PIBF1: variants seen among roughly 807,000 people sequenced by gnomAD.
The protein encoded by PIBF1 is progesterone-induced-blocking factor 1.
Under a neutral mutation model 112.5 loss-of-function variants are expected in PIBF1, and 90 were observed. The ratio of observed to expected loss-of-function variants is 0.80; its 90% CI spans 0.67 to 0.95. The LOEUF (loss-of-function observed/expected upper bound fraction) is 0.95. PIBF1 is among the 40% of genes least tolerant of loss of function. The probability of loss-of-function intolerance (pLI) is 0.00; values close to 1 mark genes in which losing one functional copy is unlikely to be tolerated. For synonymous variants in PIBF1, 301 were observed against 288.6 expected, an observed-to-expected ratio of 1.04 and a Z score of -0.44; for missense variants, 915 against 852.3, an observed-to-expected ratio of 1.07 and a Z score of -0.92.
chr13:72,878,841 G>A (rs1305609725), intron 10 of PIBF1, among the ~76,000 whole-genome samples: 2 of 152,048 alleles, frequency 1.3e-5, no homozygotes, highest in African/African-American at 2.4e-5. Context: ...TTGGAAAATG[G>A]ACCCCTTTAT....
intron 17 of PIBF1, among the ~76,000 whole-genome samples, chr13:73,009,720 T>A (rs1438217459): frequency 6.6e-6 from 1 of 152,280 alleles, no homozygotes; most frequent in Non-Finnish European, 1.5e-5. Context: ...ATTAAAATGG[T>A]TGTGATAAGA....
intron 5 of PIBF1, among the ~76,000 whole-genome samples, chr13:72,816,335 A>G (rs1555288878): frequency 6.6e-6 from 1 of 152,168 alleles, no homozygotes; most frequent in Non-Finnish European, 1.5e-5. Context: ...ATGTGATGAA[A>G]GTTACCTTTC....
intron 5 of PIBF1, among the ~76,000 whole-genome samples, chr13:72,799,557 G>C (rs1373062000): frequency 6.6e-6 from 1 of 152,046 alleles, no homozygotes; most frequent in Non-Finnish European, 1.5e-5. Flanking sequence ...CATTTAGAAA[G>C]ATAGTTCAAT....
intron 6 of PIBF1, among the ~76,000 whole-genome samples, chr13:72,822,783 A>G (rs1382283267): frequency 6.6e-6 from 1 of 152,258 alleles, no homozygotes; most frequent in Non-Finnish European, 1.5e-5. Context: ...ATTTGTGGAT[A>G]GAAGATTGTC....
intron 14 of PIBF1, among the ~76,000 whole-genome samples, chr13:72,964,975 T>C (rs1200612028): frequency 1.3e-5 from 2 of 152,022 alleles, no homozygotes; most frequent in Non-Finnish European, 2.9e-5. Flanking sequence ...GGCAGGAGAA[T>C]CACTTGAACC....
chr13:72,970,885 A>G (rs527547447), intron 15 of PIBF1, among the ~76,000 whole-genome samples: 1 of 152,282 alleles, frequency 6.6e-6, no homozygotes, highest in South Asian at 2.1e-4. Context: ...ATATGCCCAG[A>G]TATTGTAATC....
chr13:72,820,755 C>G (rs1453360358), intron 5 of PIBF1, among the ~76,000 whole-genome samples: 2 of 152,106 alleles, frequency 1.3e-5, no homozygotes, highest in Non-Finnish European at 2.9e-5. Context: ...AATGACTTAA[C>G]ACAGGATGCA....
chr13:72,844,758 C>CACACGGATGAAGTCTTACTGTTT lies in PIBF1; in HGVS notation c.1224-9295_1224-9294insGGATGAAGTCTTACTGTTTACAC, dbSNP rs1555296166. 3.0e-3 allele frequency among the ~76,000 whole-genome samples: 379 copies of CACACGGATGAAGTCTTACTGTTT among 125,766 alleles called. 8 individuals are homozygous for CACACGGATGAAGTCTTACTGTTT. The highest frequency in any genetic ancestry group is 4.7e-3 in the Non-Finnish European group (277 of 58,840). The allele number at this position is 125,766 out of a possible 152,430, so 82.5% of individuals were successfully genotyped here. A position where few individuals can be genotyped will look rare whatever the true frequency, so the allele number is the denominator to read the frequency against. On this transcript the variant is annotated intron_variant, in intron 9 of 17. Transcript: ENST00000326291. ...ACACACACACACACACACACACACA[C>CACACGGATGAAGTCTTACTGTTT]ACACACACACACACACACACACACA...
chr13:72,987,837 AATTTATTTATTT>A lies in PIBF1; in HGVS notation c.2050-10972_2050-10961del, dbSNP rs1228971710. Reference sequence around the variant, plus strand: ...TTCTTGAGTTTTTTTTATTTTTTGTAATTTATTTATTTATTTATTTATTTTTTTTTTTTTTTT... The same window carrying A: ...TTCTTGAGTTTTTTTTATTTTTTGTAATTTATTTATTTTTTTTTTTTTTTT... On this transcript the variant is annotated intron_variant, in intron 16 of 17. Coordinates refer to ENST00000326291, the MANE Select transcript of PIBF1 (RefSeq NM_006346.4). Among the ~76,000 whole-genome samples, 54 of 101,910 alleles carry A rather than the reference AATTTATTTATTT, an allele frequency of 5.3e-4. 1 individual carries two copies. Among genetic ancestry groups the A allele is most frequent in the Non-Finnish European group, 6.5e-4 (38 of 58,606 alleles). 66.9% of individuals were successfully genotyped at this position (101,910 alleles called of 152,430 possible). A position where few individuals can be genotyped will look rare whatever the true frequency, so the allele number is the denominator to read the frequency against.
In PIBF1 at chr13:72,837,857, C is replaced by T. The variant is rs578052319; in HGVS notation, c.1223+2489C>T. On this transcript the variant is annotated intron_variant, in intron 9 of 17. Transcript: ENST00000326291. ...TTCATTTGCTTTTGCACTTAGTTGT[C>T]CCTTCATGTTCATTACAAAAGTATA... Among the ~76,000 whole-genome samples, 5 of 152,246 alleles carry T rather than the reference C, an allele frequency of 3.3e-5. No individual in the cohort carries two copies. In the East Asian group the frequency reaches 9.6e-4, roughly 29 times the overall value.
intron 13 of PIBF1, among the ~76,000 whole-genome samples, chr13:72,928,767 CTT>C (rs918708238): frequency 1.3e-5 from 2 of 152,128 alleles, no homozygotes; most frequent in Non-Finnish European, 2.9e-5. Context: ...TGTTTTATGA[CTT>C]ATGATATTTT....
At chr13:72,860,385 AT>A (rs2038641868) in intron 10 of PIBF1, among the ~76,000 whole-genome samples, 1 of 150,254 alleles carries the variant, frequency 6.7e-6, no homozygotes, top group African/African-American at 2.5e-5. Flanking sequence ...TACTGAAGTT[AT>A]TTTGAGTATA....
chr13:72,916,448 T>C (rs2041099051), intron 12 of PIBF1, among the ~76,000 whole-genome samples: 1 of 151,250 alleles, frequency 6.6e-6, no homozygotes, highest in African/African-American at 2.4e-5. Flanking sequence ...AAAATGTCAT[T>C]GCATTTCAAG....
chr13:72,795,420 G>C lies in PIBF1; in HGVS notation c.415G>C (p.Glu139Gln). Residue 139 changes from glutamate (E) to glutamine (Q), a missense_variant, in exon 4 of 18, where the codon GAA becomes CAA. Transcript: ENST00000326291. ...CATTTTGTTGAGACAGAAACAACTA[G>C]AAGAGACAAATCTTCAGCTAAGAGA... ...ETILLRQKQL[E>Q]ETNLQLREKA... 6.2e-7 allele frequency: 1 copy of C among 1,609,662 alleles called. No individual in the cohort carries two copies. Among genetic ancestry groups the C allele is most frequent in the Non-Finnish European group, 8.5e-7 (1 of 1,178,414 alleles).
At position 73,009,245 on chromosome 13, in the gene PIBF1, C is replaced by T. The variant is rs574720307; in HGVS notation, c.2224-6624C>T. Among the ~76,000 whole-genome samples, 23 of 152,252 alleles carry T rather than the reference C, an allele frequency of 1.5e-4. No homozygotes were observed. In the South Asian group the frequency reaches 4.6e-3, roughly 30 times the overall value. On this transcript the variant is annotated intron_variant, in intron 17 of 17. Transcript: ENST00000326291. ...TATATCCCATTGGCCAGAACTTAGT[C>T]GTGTGGCCACACCTAGCAGCAAGGA...
chr13:72,927,996 C>CATATATATATACAT (rs1168458934), intron 13 of PIBF1, among the ~76,000 whole-genome samples: 10 of 76,124 alleles, frequency 1.3e-4, no homozygotes, highest in African/African-American at 3.4e-4. Flanking sequence ...TATACACACA[C>CATATATATATACAT]ATATATATAC....
At chr13:72,927,363 G>T (rs2041520015) in intron 13 of PIBF1, among the ~76,000 whole-genome samples, 1 of 152,128 alleles carries the variant, frequency 6.6e-6, no homozygotes, top group South Asian at 2.1e-4. Flanking sequence ...AATTAGCCGG[G>T]CCTAGTGGCG....
chr13:73,006,429 G>A (rs192962226), intron 17 of PIBF1, among the ~76,000 whole-genome samples: 4 of 152,296 alleles, frequency 2.6e-5, no homozygotes, highest in African/African-American at 9.6e-5. Flanking sequence ...ATGGAACGAA[G>A]CTGACTGATC....
intron 10 of PIBF1, among the ~76,000 whole-genome samples, chr13:72,856,955 G>A (rs769491837): frequency 3.9e-5 from 6 of 152,094 alleles, no homozygotes; most frequent in Non-Finnish European, 7.4e-5. Context: ...CAGTTTTTAC[G>A]TTATGCCTTC....
Sources: allele counts gnomAD v4.1 joint callset (sites outside exome capture counted in the v4.1 genomes callset), GRCh38; gene constraint gnomAD v4.1.1; transcripts MANE v1.5; gene names NCBI Gene and HGNC (gene_info 2026-07-23, HGNC 2026-07-21).